Variants in ZFP36L2 observed in about 807,000 individuals in gnomAD.
The protein encoded by ZFP36L2 is mRNA decay activator protein ZFP36L2.
In ZFP36L2, 16 loss-of-function variants were observed where a neutral mutation model predicts 27.9. The observed-to-expected ratio is 0.57, with a 90% CI of 0.39 to 0.87. ZFP36L2 has a LOEUF of 0.87. Among genes scored for constraint, ZFP36L2 ranks in the 40% least tolerant of loss-of-function variants. The probability of loss-of-function intolerance (pLI) is 0.00; values close to 1 mark genes in which losing one functional copy is unlikely to be tolerated. For missense variants in ZFP36L2, 989 were observed against 726.9 expected, an observed-to-expected ratio of 1.36 and a Z score of -4.15; for synonymous variants, 600 against 363.8, an observed-to-expected ratio of 1.65 and a Z score of -7.39.
At position 43,225,094 on chromosome 2, in the gene ZFP36L2, C is replaced by T; in HGVS notation, c.710G>A (p.Gly237Asp). ...GGASGDLRAFGTRDALHLGFP... is the reference protein window; with the variant it reads ...GGASGDLRAFDTRDALHLGFP... ...GCCCAGGTGCAACGCATCGCGCGTGCCAAAGGCACGCAGGTCCCCGGAGGC... is the reference window on the plus strand; with the variant it reads ...GCCCAGGTGCAACGCATCGCGCGTGTCAAAGGCACGCAGGTCCCCGGAGGC... Residue 237 changes from glycine to aspartate, a missense_variant, in exon 2 of 2, where the codon GGC becomes GAC. By Grantham distance (94) the Gly-to-Asp change is moderately conservative. Coordinates refer to ENST00000282388, the MANE Select transcript of ZFP36L2 (RefSeq NM_006887.5). 3 of 1,593,586 alleles carry T rather than the reference C, an allele frequency of 1.9e-6. No homozygotes were observed. The highest frequency in any genetic ancestry group is 1.7e-6 in the Non-Finnish European group (2 of 1,177,306).
At position 43,225,447 on chromosome 2, in the gene ZFP36L2, G is replaced by C. The variant is rs372186320; in HGVS notation, c.357C>G (p.Phe119Leu). The C allele has an allele frequency of 6.2e-7, 1 of 1,611,378 alleles. No homozygotes were observed. The highest frequency in any genetic ancestry group is 8.5e-7 in the Non-Finnish European group (1 of 1,178,976). The stretch of plus-strand genomic sequence containing the variant: ...CGTTCTCGCTAAACGAGCGGTCCCG[G>C]AATTTGTTCTCCTTGTTGAGCAGGG... ...GTALLNKENK[F>L]RDRSFSENGD... Residue 119 changes from phenylalanine (F) to leucine (L), a missense_variant, in exon 2 of 2, where the codon TTC (phenylalanine) becomes TTG (leucine). Coordinates refer to ENST00000282388, the MANE Select transcript of ZFP36L2 (RefSeq NM_006887.5).
At position 43,224,877 on chromosome 2, in the gene ZFP36L2, G is replaced by A. The variant is rs776984040; in HGVS notation, c.927C>T (p.Ala309=). 1.3e-6 allele frequency: 2 copies of A among 1,510,810 alleles called. No homozygotes were observed. Among genetic ancestry groups the A allele is most frequent in the Non-Finnish European group, 8.7e-7 (1 of 1,145,410 alleles). The allele number at this position is 1,510,810 out of a possible 1,614,324, so 93.6% of individuals were successfully genotyped here. The part of the protein sequence containing the change: ...CSSSASSCSS[A]SAASTPSGAP... ...CGCCCGAGGGCGTGGAGGCCGCGGA[G>A]GCCGAGGAACAGGAGGAGGCGGAGG... The change falls in exon 2 of 2, where the codon GCC becomes GCT. Residue 309 remains alanine (A), a synonymous_variant. Coordinates refer to ENST00000282388, the MANE Select transcript of ZFP36L2 (RefSeq NM_006887.5).
Position 43,226,342 on chromosome 2 carries a change from C to T in ZFP36L2, c.-27G>A. 3.2e-6 allele frequency: 5 copies of T among 1,564,696 alleles called. No individual in the cohort carries two copies. Among genetic ancestry groups the T allele is most frequent in the Non-Finnish European group, 4.3e-6 (5 of 1,154,450 alleles). ...TTTCTGGATCCCGCAGTGGCCGGAG[C>T]GGCAGGCCGGGAGGTCGGGAGGAGC... On this transcript the variant is annotated 5_prime_UTR_variant, in exon 1 of 2. Coordinates refer to ENST00000282388, the MANE Select transcript of ZFP36L2 (RefSeq NM_006887.5).
At position 43,224,948 on chromosome 2, in the gene ZFP36L2, G is replaced by C. The variant is rs1342586587; in HGVS notation, c.856C>G (p.Arg286Gly). Residue 286 changes from arginine to glycine, a missense_variant, in exon 2 of 2, where the codon CGC (arginine) becomes GGC (glycine). Arg to Gly is a moderately radical substitution (Grantham distance 125). Coordinates refer to ENST00000282388, the MANE Select transcript of ZFP36L2 (RefSeq NM_006887.5). ...SPLLLDSPTS[R>G]TPPPPSCSSA... ...GAGCAGGAGGGCGGCGGCGGCGTGC[G>C]CGACGTGGGGCTGTCGAGCAGCAGC... The C allele has an allele frequency of 6.4e-7, 1 of 1,550,998 alleles. No homozygotes were observed. The highest frequency in any genetic ancestry group is 2.1e-5 in the Admixed American group (1 of 48,282).
chr2:43,225,857 C>T, intron 1 of ZFP36L2, 105 bp from the exon 2 acceptor site: 3 of 1,263,358 alleles, frequency 2.4e-6, no homozygotes, highest in Non-Finnish European at 3.2e-6. Flanking sequence ...CCTTTTTTTC[C>T]CCCACTCTTG....
At position 43,223,568 on chromosome 2, in the gene ZFP36L2, G is replaced by A. The variant is rs1667013000; in HGVS notation, c.*751C>T. The A allele has an allele frequency of 6.6e-6, 1 of 152,644 alleles. No homozygotes were observed. Among genetic ancestry groups the A allele is most frequent in the Non-Finnish European group, 1.5e-5 (1 of 68,030 alleles). 9.5% of individuals were successfully genotyped at this position (152,644 alleles called of 1,614,324 possible). ...CTCCAACAATTACAAAGTAAGCTCT[G>A]CGCAAGGCTTCCAGAGGGAGCAGAC... On this transcript the variant is annotated 3_prime_UTR_variant, in exon 2 of 2. Transcript: ENST00000282388.
Position 43,223,572 on chromosome 2 carries a change from A to G in ZFP36L2, c.*747T>C, listed in dbSNP as rs1667013098. 1 of 152,698 alleles carries G rather than the reference A, an allele frequency of 6.5e-6. No individual in the cohort carries two copies. The highest frequency in any genetic ancestry group is 6.5e-5 in the Admixed American group (1 of 15,284). 9.5% of individuals were successfully genotyped at this position (152,698 alleles called of 1,614,324 possible). A position where few individuals can be genotyped will look rare whatever the true frequency, so the allele number is the denominator to read the frequency against. ...AACAATTACAAAGTAAGCTCTGCGCAAGGCTTCCAGAGGGAGCAGACAAAA... is the reference window on the plus strand; with the variant it reads ...AACAATTACAAAGTAAGCTCTGCGCGAGGCTTCCAGAGGGAGCAGACAAAA... On this transcript the variant is annotated 3_prime_UTR_variant, in exon 2 of 2. Coordinates refer to ENST00000282388, the MANE Select transcript of ZFP36L2 (RefSeq NM_006887.5).
At chr2:43,226,211 C>G (rs1667099583) in intron 1 of ZFP36L2, 54 bp downstream of exon 1, 1 of 1,552,296 alleles carries the variant, frequency 6.4e-7, no homozygotes, top group South Asian at 1.2e-5. Context: ...GGGACAGAGG[C>G]AAAGTCCAAG....
rs57945316 is a variant in ZFP36L2, at chr2:43,223,704, T to TAA, written c.*613_*614dup. On this transcript the variant is annotated 3_prime_UTR_variant, in exon 2 of 2. Transcript: ENST00000282388. ...CACCCCCAGACATATATAATTCTGT[T>TAA]AAAAAACAAAAAACACCTATGGGCT... 2 of 152,452 alleles carry TAA rather than the reference T, an allele frequency of 1.3e-5. No homozygotes were observed. The highest frequency in any genetic ancestry group is 2.9e-5 in the Non-Finnish European group (2 of 68,006). 9.4% of individuals were successfully genotyped at this position (152,452 alleles called of 1,614,324 possible).
Position 43,224,787 on chromosome 2 carries a change from GC to G in ZFP36L2, c.1016del (p.Gly339AlafsTer122). On this transcript the variant is annotated frameshift_variant, in exon 2 of 2. Coordinates refer to ENST00000282388, the MANE Select transcript of ZFP36L2 (RefSeq NM_006887.5). LOFTEE classifies it high-confidence loss of function. ...AAAALLYGTG[G>X]AEDLLAPGAP... ...CCCCCGGCGCCAGCAGGTCCTCGGC[GC>G]CCCCGGTGCCGTACAGCAGAGCGGC... 2 of 1,450,336 alleles carry G rather than the reference GC, an allele frequency of 1.4e-6. No homozygotes were observed. Among genetic ancestry groups the G allele is most frequent in the Non-Finnish European group, 1.8e-6 (2 of 1,107,142 alleles). 89.8% of individuals were successfully genotyped at this position (1,450,336 alleles called of 1,614,324 possible).
In ZFP36L2 at chr2:43,225,180, A is replaced by G. The variant is rs759843105; in HGVS notation, c.624T>C (p.Tyr208=). 5 of 1,599,214 alleles carry G rather than the reference A, an allele frequency of 3.1e-6. No homozygotes were observed. The East Asian group carries it at 1.1e-4, about 36-fold the overall frequency. The stretch of plus-strand genomic sequence containing the variant: ...TGTGGATGAAGTGGCAGCGCGGCCC[A>G]TAGGGGCAGAAGCCGATGGTATGAA... ...RTFHTIGFCP[Y]GPRCHFIHNA... Residue 208 remains tyrosine (Y), a synonymous_variant, in exon 2 of 2, where the codon TAT becomes TAC. Coordinates refer to ENST00000282388, the MANE Select transcript of ZFP36L2 (RefSeq NM_006887.5).
rs753653793 is a variant in ZFP36L2 at position 43,225,529 on chromosome 2, G to A, written c.275C>T (p.Ala92Val). Residue 92 changes from alanine to valine, a missense_variant, in exon 2 of 2, where the codon GCC (alanine) becomes GTC (valine). Ala to Val is a moderately conservative substitution (Grantham distance 64). Coordinates refer to ENST00000282388, the MANE Select transcript of ZFP36L2 (RefSeq NM_006887.5). ...GGTGCCGTAGGAGGTCGGACCGCCG[G>A]CCGCCGCGCTGCCGCAGCTGCTGCC... ...ANGSSCGSAA[A>V]GGPTSYGTLK... 6 of 1,585,632 alleles carry A rather than the reference G, an allele frequency of 3.8e-6. No homozygotes were observed. The Admixed American group carries it at 1.1e-4, about 28-fold the overall frequency.
At position 43,226,370 on chromosome 2, in the gene ZFP36L2, T is replaced by C. The variant is rs967649038; in HGVS notation, c.-55A>G. On this transcript the variant is annotated 5_prime_UTR_variant, in exon 1 of 2. Transcript: ENST00000282388. The stretch of plus-strand genomic sequence containing the variant: ...CAGGCCGGGAGGTCGGGAGGAGCCC[T>C]TGGGGCGGCGTGGCCGGGCTTGAGC... The C allele has an allele frequency of 1.9e-6, 3 of 1,551,958 alleles. No homozygotes were observed. The East Asian group carries it at 7.3e-5, about 38-fold the overall frequency.
rs1436475877 is a variant in ZFP36L2, at chr2:43,225,647, G to GGAATCCCGGCGC, written c.145_156dup (p.Ala49_Phe52dup). On this transcript the variant is annotated inframe_insertion, in exon 2 of 2. Transcript: ENST00000282388. Reference sequence around the variant, plus strand: ...AGGTTGCTGGCCGAGTGCCGTCGGAGGAATCCCGGCGCGAAGCCCGAGCTG... The same window carrying GGAATCCCGGCGC: ...AGGTTGCTGGCCGAGTGCCGTCGGAGGAATCCCGGCGCGAATCCCGGCGCGAAGCCCGAGCTG... 4.4e-6 allele frequency: 7 copies of GGAATCCCGGCGC among 1,581,230 alleles called. No individual in the cohort carries two copies. Among genetic ancestry groups the GGAATCCCGGCGC allele is most frequent in the East Asian group, 4.6e-5 (2 of 43,644 alleles).
In ZFP36L2 at chr2:43,224,791, C is replaced by G. The variant is rs1320117572; in HGVS notation, c.1013G>C (p.Gly338Ala). The change falls in exon 2 of 2, where the codon GGG becomes GCG. Residue 338 changes from glycine to alanine, a missense_variant. Gly to Ala is a moderately conservative substitution (Grantham distance 60). Transcript: ENST00000282388. ...CGGCGCCAGCAGGTCCTCGGCGCCC[C>G]CGGTGCCGTACAGCAGAGCGGCCGC... ...AAAAALLYGT[G>A]GAEDLLAPGA... is the part of the protein sequence containing the mutation. 3 of 1,462,228 alleles carry G rather than the reference C, an allele frequency of 2.1e-6. No individual in the cohort carries two copies. The African/African-American group carries it at 4.4e-5, about 21-fold the overall frequency. The allele number at this position is 1,462,228 out of a possible 1,614,324, so 90.6% of individuals were successfully genotyped here.
intron 1 of ZFP36L2, 24 bp downstream of exon 1, chr2:43,226,241 G>C: frequency 7.0e-6 from 11 of 1,566,742 alleles, no homozygotes; most frequent in Non-Finnish European, 9.5e-6. Context: ...GGCTGCTGCC[G>C]GCCGGGCCCG....
Position 43,225,237 on chromosome 2 carries a change from A to G in ZFP36L2, c.567T>C (p.His189=), listed in dbSNP as rs368826607. 9.9e-6 allele frequency: 16 copies of G among 1,608,284 alleles called. No individual in the cohort carries two copies. Among genetic ancestry groups the G allele is most frequent in the African/African-American group, 6.7e-5 (5 of 74,836 alleles). The part of the protein sequence containing the change: ...GFHELRSLTR[H]PKYKTELCRT... Reference sequence around the variant, plus strand: ...GGCACAGCTCGGTCTTGTACTTCGGATGGCGAGTCAGGCTGCGCAGCTCGT... The same window carrying G: ...GGCACAGCTCGGTCTTGTACTTCGGGTGGCGAGTCAGGCTGCGCAGCTCGT... Residue 189 remains histidine (H), a synonymous_variant, in exon 2 of 2, where the codon CAT becomes CAC. Coordinates refer to ENST00000282388, the MANE Select transcript of ZFP36L2 (RefSeq NM_006887.5).
Position 43,224,509 on chromosome 2 carries a change from T to G in ZFP36L2, c.1295A>C (p.Gln432Pro). 2 of 1,490,436 alleles carry G rather than the reference T, an allele frequency of 1.3e-6. No homozygotes were observed. Among genetic ancestry groups the G allele is most frequent in the Non-Finnish European group, 1.8e-6 (2 of 1,125,752 alleles). 92.3% of individuals were successfully genotyped at this position (1,490,436 alleles called of 1,614,324 possible). A position where few individuals can be genotyped will look rare whatever the true frequency, so the allele number is the denominator to read the frequency against. The change falls in exon 2 of 2, where the codon CAG becomes CCG. Residue 432 changes from glutamine to proline, a missense_variant. Physicochemically the swap from Gln to Pro is moderately conservative, Grantham distance 76. Transcript: ENST00000282388. ...CGAGTCGGACAGGCGGCGCGGCAGC[T>G]GGAAGCTGAAGGGCGGCGAGGGAGG... ...AAPPSPPFSF[Q>P]LPRRLSDSPV...
At position 43,226,300 on chromosome 2, in the gene ZFP36L2, G is replaced by C. The variant is rs753420770; in HGVS notation, c.16C>G (p.Leu6Val). 8 of 1,588,554 alleles carry C rather than the reference G, an allele frequency of 5.0e-6. No homozygotes were observed. Among genetic ancestry groups the C allele is most frequent in the Non-Finnish European group, 6.9e-6 (8 of 1,166,498 alleles). Residue 6 changes from leucine to valine, a missense_variant, in exon 1 of 2, where the codon CTG (leucine) becomes GTG (valine). Transcript: ENST00000282388. MSTTL[L>V]SAFYDVDFLC... ...AAGTCGACATCGTAGAAGGCGGACAGAAGTGTGGTCGACATGTTTCTGGAT... is the reference window on the plus strand; with the variant it reads ...AAGTCGACATCGTAGAAGGCGGACACAAGTGTGGTCGACATGTTTCTGGAT...
Sources: allele counts gnomAD v4.1 joint callset, GRCh38; gene constraint gnomAD v4.1.1; transcripts MANE v1.5; gene names NCBI Gene and HGNC (gene_info 2026-07-23, HGNC 2026-07-21).